Variants in NALF1 observed in about 807,000 individuals in gnomAD.
NALF1 encodes the protein family with sequence similarity 155 member A.
A neutral mutation model predicts 48.4 loss-of-function variants in NALF1; 3 were observed. The observed-to-expected ratio is 0.06, with a 90% CI of 0.03 to 0.16. The LOEUF (loss-of-function observed/expected upper bound fraction) is 0.16, where lower values mean the gene tolerates loss of function less well. NALF1 is among the 10% of genes least tolerant of loss of function. NALF1 has a pLI of 1.00. For synonymous variants in NALF1, 262 were observed against 245.7 expected, an observed-to-expected ratio of 1.07 and a Z score of -0.62; for missense variants, 526 against 571.5, an observed-to-expected ratio of 0.92 and a Z score of 0.81.
chr13:107,417,014 C>T (rs1226926598), intron 1 of NALF1, among the ~76,000 whole-genome samples: 1 of 152,202 alleles, frequency 6.6e-6, no homozygotes, highest in East Asian at 1.9e-4. Flanking sequence ...GCACCTTGTG[C>T]CAACTTTCAT....
At chr13:107,355,517 T>C (rs1273008394) in intron 1 of NALF1, among the ~76,000 whole-genome samples, 1 of 152,182 alleles carries the variant, frequency 6.6e-6, no homozygotes, top group Non-Finnish European at 1.5e-5. Flanking sequence ...AATAGAATTG[T>C]AGTTCCTATT....
intron 1 of NALF1, among the ~76,000 whole-genome samples, chr13:107,589,224 C>T (rs1390757104): frequency 6.6e-6 from 1 of 151,986 alleles, no homozygotes; most frequent in East Asian, 1.9e-4. Context: ...CTGGCTCACT[C>T]GGAGTTTTTA....
intron 1 of NALF1, among the ~76,000 whole-genome samples, chr13:107,671,589 G>A (rs953268990): frequency 2.6e-5 from 4 of 151,950 alleles, no homozygotes; most frequent in East Asian, 1.9e-4. Flanking sequence ...ACTGATGAAC[G>A]TTACATAAAG....
intron 1 of NALF1, among the ~76,000 whole-genome samples, chr13:107,561,803 C>A (rs1406748172): frequency 6.6e-6 from 1 of 152,176 alleles, no homozygotes; most frequent in Non-Finnish European, 1.5e-5. Flanking sequence ...TCATGGTAAA[C>A]CTGTGTTTGC....
At chr13:107,598,117 C>G (rs1489256867) in intron 1 of NALF1, among the ~76,000 whole-genome samples, 2 of 152,110 alleles carry the variant, frequency 1.3e-5, no homozygotes, top group African/African-American at 4.8e-5. Flanking sequence ...GTATTTTGCT[C>G]TCTGTCCAGA....
At chr13:107,435,816 C>T (rs1363032143) in intron 1 of NALF1, among the ~76,000 whole-genome samples, 1 of 152,040 alleles carries the variant, frequency 6.6e-6, no homozygotes, top group African/African-American at 2.4e-5. Flanking sequence ...GAAGATACTG[C>T]ATAAACAGAA....
At chr13:107,686,675 C>T (rs1881439981) in intron 1 of NALF1, among the ~76,000 whole-genome samples, 1 of 152,138 alleles carries the variant, frequency 6.6e-6, no homozygotes, top group Non-Finnish European at 1.5e-5. Context: ...AGAAGACATA[C>T]AACGGCCCAC....
At chr13:107,431,020 T>G (rs544497478) in intron 1 of NALF1, among the ~76,000 whole-genome samples, 1 of 152,258 alleles carries the variant, frequency 6.6e-6, no homozygotes, top group East Asian at 1.9e-4. Context: ...TATCTCATTG[T>G]GGTTTTGATT....
At chr13:107,672,912 C>T (rs1450574299) in intron 1 of NALF1, among the ~76,000 whole-genome samples, 1 of 152,060 alleles carries the variant, frequency 6.6e-6, no homozygotes, top group Non-Finnish European at 1.5e-5. Context: ...CTCCCCGCGC[C>T]CCCACCGCCC....
chr13:107,170,125 GAGAT>G lies in NALF1; in HGVS notation c.*368_*371del, dbSNP rs1303890544. On this transcript the variant is annotated 3_prime_UTR_variant, in exon 3 of 3. Transcript: ENST00000375915. ...CACACAATGACTAGAAATATATAGAGAGATAGAGACAGTGAAAAGACTTAGTTTA... is the reference window on the plus strand; with the variant it reads ...CACACAATGACTAGAAATATATAGAGAGAGACAGTGAAAAGACTTAGTTTA... The G allele has an allele frequency of 5.3e-6, 1 of 187,948 alleles. No individual in the cohort carries two copies. Among genetic ancestry groups the G allele is most frequent in the South Asian group, 1.2e-4 (1 of 8,166 alleles). The allele number at this position is 187,948 out of a possible 1,614,324, so 11.6% of individuals were successfully genotyped here.
chr13:107,853,756 T>C lies in NALF1; in HGVS notation c.915+11926A>G, dbSNP rs562602391. ...CAGTTATTTAGAAATGAGAAATGTA[T>C]TTACCAAAGACTAAATAAAACACAC... On this transcript the variant is annotated intron_variant, in intron 1 of 2. Transcript: ENST00000375915. 3.3e-5 allele frequency among the ~76,000 whole-genome samples: 5 copies of C among 152,300 alleles called. No individual in the cohort carries two copies. The East Asian group carries it at 9.6e-4, about 29-fold the overall frequency.
chr13:107,192,925 C>T (rs1879312542), intron 2 of NALF1, among the ~76,000 whole-genome samples: 1 of 151,926 alleles, frequency 6.6e-6, no homozygotes, highest in African/African-American at 2.4e-5. Context: ...ATAGTAAGTA[C>T]ATGGAAATAA....
At chr13:107,371,637 T>A (rs1360166700) in intron 1 of NALF1, among the ~76,000 whole-genome samples, 1 of 152,182 alleles carries the variant, frequency 6.6e-6, no homozygotes, top group African/African-American at 2.4e-5. Context: ...ATGTCTTTTT[T>A]AAAATTAGTC....
chr13:107,677,159 G>A (rs1365941324), intron 1 of NALF1, among the ~76,000 whole-genome samples: 1 of 152,222 alleles, frequency 6.6e-6, no homozygotes, highest in Admixed American at 6.5e-5. Context: ...TGATTCTCAT[G>A]CTTCAGCCTC....
At chr13:107,385,317 C>A (rs909763569) in intron 1 of NALF1, among the ~76,000 whole-genome samples, 1 of 152,132 alleles carries the variant, frequency 6.6e-6, no homozygotes, top group East Asian at 1.9e-4. Flanking sequence ...CTTTGGGAGG[C>A]CGAGGAGGGT....
intron 1 of NALF1, among the ~76,000 whole-genome samples, chr13:107,821,726 G>C (rs983912181): frequency 1.3e-5 from 2 of 152,166 alleles, no homozygotes; most frequent in African/African-American, 4.8e-5. Context: ...GTACATAATA[G>C]GGTGACTAGT....
rs1274631502 is a variant in NALF1, at chr13:107,165,283, T to C, written c.*5214A>G. The C allele has an allele frequency of 6.6e-6, 1 of 152,178 alleles. No homozygotes were observed. The highest frequency in any genetic ancestry group is 2.4e-5 in the African/African-American group (1 of 41,452). 9.4% of individuals were successfully genotyped at this position (152,178 alleles called of 1,614,324 possible). On this transcript the variant is annotated 3_prime_UTR_variant, in exon 3 of 3. Coordinates refer to ENST00000375915, the MANE Select transcript of NALF1 (RefSeq NM_001080396.3). Reference sequence around the variant, plus strand: ...CTTCCTGATCATTTTGATTTTTTCATTTAAGATTGAGTGATTCTACAAATA... The same window carrying C: ...CTTCCTGATCATTTTGATTTTTTCACTTAAGATTGAGTGATTCTACAAATA...
At chr13:107,558,319 C>T (rs1198264711) in intron 1 of NALF1, among the ~76,000 whole-genome samples, 6 of 151,684 alleles carry the variant, frequency 4.0e-5, no homozygotes, top group Non-Finnish European at 8.8e-5. Flanking sequence ...TCATTTTTAT[C>T]AATCTTTTTT....
chr13:107,380,265 C>T (rs536253527), intron 1 of NALF1, among the ~76,000 whole-genome samples: 1 of 152,258 alleles, frequency 6.6e-6, no homozygotes, highest in East Asian at 1.9e-4. Context: ...TTAATTTTTG[C>T]ACACTTGAAA....
Sources: allele counts gnomAD v4.1 joint callset (sites outside exome capture counted in the v4.1 genomes callset), GRCh38; gene constraint gnomAD v4.1.1; transcripts MANE v1.5; gene names NCBI Gene and HGNC (gene_info 2026-07-23, HGNC 2026-07-21).